Variants in ZNF44 observed in about 807,000 individuals in gnomAD.
ZNF44 encodes the protein zinc finger protein 44, also known as gonadotropin inducible transcription repressor-2.
In ZNF44, 9 loss-of-function variants were observed where a neutral mutation model predicts 11.7. The ratio of observed to expected loss-of-function variants is 0.77; its 90% CI spans 0.46 to 1.35. The LOEUF (loss-of-function observed/expected upper bound fraction) is 1.35. Ranked by LOEUF, ZNF44 falls within the 40% of genes most tolerant of loss-of-function variation. The pLI, the probability that ZNF44 is intolerant of heterozygous loss-of-function variation, is 0.00. For synonymous variants in ZNF44, 224 were observed against 242.7 expected, an observed-to-expected ratio of 0.92 and a Z score of 0.72; for missense variants, 696 against 743.1, an observed-to-expected ratio of 0.94 and a Z score of 0.74.
At chr19:12,292,566 C>CTA (rs1968052099) in intron 1 of ZNF44, among the ~76,000 whole-genome samples, 2 of 152,090 alleles carry the variant, frequency 1.3e-5, no homozygotes, top group African/African-American at 4.8e-5. Context: ...TCAGGTCGTT[C>CTA]TATCACCTGG....
At chr19:12,253,515 TAG>T (rs1917113172) in intron 5 of ZNF44, among the ~76,000 whole-genome samples, 1 of 152,072 alleles carries the variant, frequency 6.6e-6, no homozygotes, top group Admixed American at 6.6e-5. Context: ...TAAGAAGACG[TAG>T]AGAATCTATG....
chr19:12,278,455 C>T (rs1280252010), intron 1 of ZNF44, among the ~76,000 whole-genome samples: 1 of 152,082 alleles, frequency 6.6e-6, no homozygotes, highest in Non-Finnish European at 1.5e-5. Context: ...CCTCTAGTGC[C>T]GCTGGGTTAG....
At chr19:12,291,217 G>A (rs1420326938) in intron 1 of ZNF44, 2 of 455,540 alleles carry the variant, frequency 4.4e-6, no homozygotes, top group East Asian at 1.4e-4. Flanking sequence ...AACAGGAACA[G>A]ACCAGACTTA....
chr19:12,251,273 G>A (rs979390970), intron 5 of ZNF44, among the ~76,000 whole-genome samples: 7 of 151,472 alleles, frequency 4.6e-5, no homozygotes, highest in African/African-American at 1.7e-4. Context: ...GGAGGGTACA[G>A]TGAGCCAAGA....
At chr19:12,226,507 A>G (rs757980682) in exon 4 of ZNF44, 7 of 152,204 alleles carry the variant, frequency 4.6e-5, no homozygotes, top group Admixed American at 1.3e-4. Context: ...TGGTAAAATA[A>G]CCAGTTTTCC....
At chr19:12,284,878 T>A in intron 1 of ZNF44, 1 of 763,542 alleles carries the variant, frequency 1.3e-6, no homozygotes, top group Non-Finnish European at 2.2e-6. Flanking sequence ...GGCTCTGTGC[T>A]GGTGCGCCTC....
intron 1 of ZNF44, among the ~76,000 whole-genome samples, chr19:12,283,613 G>A (rs1371982392): frequency 6.6e-6 from 1 of 152,158 alleles, no homozygotes; most frequent in Non-Finnish European, 1.5e-5. Context: ...ACAGGCATAA[G>A]CCACCACGCC....
At chr19:12,268,147 C>CACACACACACACAG (rs1917803893), downstream of ZNF44, among the ~76,000 whole-genome samples, 1 of 76,738 alleles carries the variant, frequency 1.3e-5, no homozygotes, top group African/African-American at 3.9e-5. Flanking sequence ...CACACACAGA[C>CACACACACACACAG]ACACACACAC....
Position 12,272,494 on chromosome 19 carries a change from G to A in ZNF44, c.1761C>T (p.Pro587=). 6.2e-7 allele frequency: 1 copy of A among 1,610,714 alleles called. No homozygotes were observed. Among genetic ancestry groups the A allele is most frequent in the Non-Finnish European group, 8.5e-7 (1 of 1,179,008 alleles). ...CTTTCCCACATTCCTTACATTCATA[G>A]GGCTTCTCTCCAGTGTGAGTTCTTT... ...EHERTHTGEK[P]YECKECGKAF... is the part of the protein sequence containing the mutation. Residue 587 remains proline (P), a synonymous_variant, in exon 4 of 4, where the codon CCC becomes CCT. Coordinates refer to ENST00000355684, the MANE Select transcript of ZNF44 (RefSeq NM_016264.4).
chr19:12,239,893 G>A (rs1916553746), upstream of ZNF44, among the ~76,000 whole-genome samples: 1 of 151,842 alleles, frequency 6.6e-6, no homozygotes, highest in Admixed American at 6.6e-5. Flanking sequence ...TTTTTATATA[G>A]TAACAATAAA....
At chr19:12,245,742 G>A (rs1916751826), downstream of ZNF44, among the ~76,000 whole-genome samples, 1 of 152,118 alleles carries the variant, frequency 6.6e-6, no homozygotes, top group South Asian at 2.1e-4. Flanking sequence ...GTTGCCTGGT[G>A]GATTATGTTG....
At chr19:12,262,172 A>G (rs1391547370) in intron 5 of ZNF44, among the ~76,000 whole-genome samples, 3 of 152,226 alleles carry the variant, frequency 2.0e-5, no homozygotes, top group Admixed American at 6.5e-5. Flanking sequence ...AAAAAGTCTC[A>G]AAGATTACAT....
In ZNF44 at chr19:12,272,759, CTG is replaced by C; in HGVS notation, c.1494_1495del (p.His498GlnfsTer2). On this transcript the variant is annotated frameshift_variant, in exon 4 of 4. Transcript: ENST00000355684. LOFTEE classifies it low-confidence loss of function (END_TRUNC). The stretch of plus-strand genomic sequence containing the variant: ...TTGACACTCATAAGATTTTTCTTCA[CTG>C]TGAGTCCTTTCATGGCGACAAAAGT... 1 of 1,613,544 alleles carries C rather than the reference CTG, an allele frequency of 6.2e-7. No individual in the cohort carries two copies. The highest frequency in any genetic ancestry group is 2.2e-5 in the East Asian group (1 of 44,866).
intron 1 of ZNF44, chr19:12,293,113 G>A (rs1048921537): frequency 2.7e-5 from 34 of 1,240,162 alleles, no homozygotes; most frequent in African/African-American, 9.1e-5. Context: ...CAGGTGATCC[G>A]CCCGCCTCGG....
At chr19:12,238,445 T>C (rs1405086377), upstream of ZNF44, among the ~76,000 whole-genome samples, 1 of 151,926 alleles carries the variant, frequency 6.6e-6, no homozygotes, top group Admixed American at 6.6e-5. Flanking sequence ...GCCAACATGG[T>C]GAAACCCTGT....
At chr19:12,245,112 TA>T (rs1231739806), downstream of ZNF44, among the ~76,000 whole-genome samples, 1 of 152,182 alleles carries the variant, frequency 6.6e-6, no homozygotes, top group African/African-American at 2.4e-5. Context: ...GTAAGAATTT[TA>T]AAAAATTTTT....
intron 5 of ZNF44, chr19:12,250,741 T>C (rs1321375707): frequency 8.8e-6 from 4 of 456,112 alleles, no homozygotes; most frequent in African/African-American, 8.0e-5. Flanking sequence ...GGGTCAAACA[T>C]GGATAATACG....
chr19:12,225,317 C>T (rs1173333746), downstream of ZNF44: 3 of 152,378 alleles, frequency 2.0e-5, no homozygotes, highest in South Asian at 6.2e-4. Flanking sequence ...GAACATTAGT[C>T]CCATAATTAG....
chr19:12,252,961 C>T (rs1917080350), intron 5 of ZNF44, among the ~76,000 whole-genome samples: 1 of 138,064 alleles, frequency 7.2e-6, no homozygotes, highest in African/African-American at 2.7e-5. Flanking sequence ...AATCTTGGCT[C>T]ACTGCAACCT....
Sources: gnomAD v4.1 joint callset for allele counts (sites outside exome capture counted in the v4.1 genomes callset) on GRCh38, gnomAD v4.1.1 for gene constraint, MANE v1.5 for transcripts, NCBI Gene and HGNC (gene_info 2026-07-23, HGNC 2026-07-21) for gene names.